DTWD1: variants seen among roughly 807,000 people sequenced by gnomAD.
The protein encoded by DTWD1 is tRNA-uridine aminocarboxypropyltransferase 1.
A neutral mutation model predicts 30.2 loss-of-function variants in DTWD1; 27 were observed. The ratio of observed to expected loss-of-function variants is 0.90; its 90% CI spans 0.66 to 1.23. The LOEUF is 1.23. Ranked by LOEUF, DTWD1 falls within the 50% of genes most tolerant of loss-of-function variation. The pLI, the probability that DTWD1 is intolerant of heterozygous loss-of-function variation, is 0.00. For missense variants in DTWD1, 342 were observed against 348.8 expected (o/e 0.98, Z 0.15); for synonymous variants, 99 against 113.1 (o/e 0.88, Z 0.79).
chr15:49,639,264 A>G (rs1664184829), intron 4 of DTWD1, among the ~76,000 whole-genome samples: 1 of 152,134 alleles, frequency 6.6e-6, no homozygotes, highest in Admixed American at 6.6e-5. Flanking sequence ...CTGCTAAAAT[A>G]TTTTACTAGT....
chr15:49,632,622 T>A (rs2078938503), intron 3 of DTWD1, among the ~76,000 whole-genome samples: 1 of 152,186 alleles, frequency 6.6e-6, no homozygotes, highest in Non-Finnish European at 1.5e-5. Flanking sequence ...TACATATAGA[T>A]GATCTAATTT....
rs1457713403 is a variant in DTWD1, at chr15:49,648,123, T to C, written c.*4545T>C. The stretch of plus-strand genomic sequence containing the variant: ...TTACCCTTGGTTGTAAAGGAGAAGG[T>C]TGGAGATTATTTGTATACCAACTAC... On this transcript the variant is annotated 3_prime_UTR_variant, in exon 5 of 5. Transcript: ENST00000403028. 1 of 152,076 alleles carries C rather than the reference T, an allele frequency of 6.6e-6. No individual in the cohort carries two copies. Among genetic ancestry groups the C allele is most frequent in the Non-Finnish European group, 1.5e-5 (1 of 68,004 alleles). 9.4% of individuals were successfully genotyped at this position (152,076 alleles called of 1,614,324 possible). A position where few individuals can be genotyped will look rare whatever the true frequency, so the allele number is the denominator to read the frequency against.
rs1157619945 is a variant in DTWD1, at chr15:49,653,470, A to G, written c.*9892A>G. ...TGAGATTTTTGTGTTGGACTTCTACAGAACTATATAAGAATAAATTGTGTT... is the reference window on the plus strand; with the variant it reads ...TGAGATTTTTGTGTTGGACTTCTACGGAACTATATAAGAATAAATTGTGTT... On this transcript the variant is annotated 3_prime_UTR_variant, in exon 5 of 5. Transcript: ENST00000403028. 5 of 152,168 alleles carry G rather than the reference A, an allele frequency of 3.3e-5. No individual in the cohort carries two copies. The highest frequency in any genetic ancestry group is 9.6e-5 in the African/African-American group (4 of 41,468). The allele number at this position is 152,168 out of a possible 1,614,324, so 9.4% of individuals were successfully genotyped here.
rs1433184402 is a variant in DTWD1 at position 49,649,099 on chromosome 15, A to G, written c.*5521A>G. The G allele has an allele frequency of 1.4e-5, 2 of 147,818 alleles. 1 individual carries two copies. The highest frequency in any genetic ancestry group is 1.3e-4 in the Admixed American group (2 of 15,114). The allele number at this position is 147,818 out of a possible 1,614,324, so 9.2% of individuals were successfully genotyped here. On this transcript the variant is annotated 3_prime_UTR_variant, in exon 5 of 5. Transcript: ENST00000403028. Reference sequence around the variant, plus strand: ...AAAAAGATGTACATTAAGGCTTATCATCAAGGAATTTCAGAACACTGTGGA... The same window carrying G: ...AAAAAGATGTACATTAAGGCTTATCGTCAAGGAATTTCAGAACACTGTGGA...
rs2078823633 is a variant in DTWD1, at chr15:49,625,150, C to T, written c.-18C>T. The T allele has an allele frequency of 2.5e-6, 4 of 1,608,300 alleles. No homozygotes were observed. In the African/African-American group the frequency reaches 5.4e-5, roughly 22 times the overall value. ...ATGTGTTTTAGAAATAGCCGTTAAA[C>T]TTTGGTTTGAATGAAGAATGTCTCT... is the stretch of plus-strand genomic sequence containing the variant. On this transcript the variant is annotated 5_prime_UTR_variant, in exon 2 of 5. Coordinates refer to ENST00000403028, the MANE Select transcript of DTWD1 (RefSeq NM_001144955.2).
At chr15:49,628,704 C>T (rs1190942559) in intron 2 of DTWD1, among the ~76,000 whole-genome samples, 2 of 151,706 alleles carry the variant, frequency 1.3e-5, no homozygotes, top group Non-Finnish European at 2.9e-5. Flanking sequence ...ATATTCTTTA[C>T]TTGTTTGAAA....
At chr15:49,623,612 G>C (rs1009498330) in intron 1 of DTWD1, 1 of 152,180 alleles carries the variant, frequency 6.6e-6, no homozygotes, top group African/African-American at 2.4e-5. Context: ...GACTCTAGGA[G>C]ATCTCCAAAC....
At chr15:49,624,866 A>G (rs1045930530) in intron 1 of DTWD1, among the ~76,000 whole-genome samples, 2 of 152,222 alleles carry the variant, frequency 1.3e-5, no homozygotes, top group Non-Finnish European at 2.9e-5. Flanking sequence ...CAAAACTGCC[A>G]TCTCTGGAAC....
rs1567751452 is a variant in DTWD1, at chr15:49,652,780, G to A, written c.*9202G>A. 1 of 152,126 alleles carries A rather than the reference G, an allele frequency of 6.6e-6. No homozygotes were observed. The highest frequency in any genetic ancestry group is 6.5e-5 in the Admixed American group (1 of 15,268). 9.4% of individuals were successfully genotyped at this position (152,126 alleles called of 1,614,324 possible). On this transcript the variant is annotated 3_prime_UTR_variant, in exon 5 of 5. Coordinates refer to ENST00000403028, the MANE Select transcript of DTWD1 (RefSeq NM_001144955.2). ...TGGAGCAAAGGGTGGATTGTAATAAGCAAAGAGATACACTGCCTGATTCAC... is the reference window on the plus strand; with the variant it reads ...TGGAGCAAAGGGTGGATTGTAATAAACAAAGAGATACACTGCCTGATTCAC...
At chr15:49,627,168 A>G (rs2078854916) in intron 2 of DTWD1, among the ~76,000 whole-genome samples, 1 of 152,156 alleles carries the variant, frequency 6.6e-6, no homozygotes, top group Non-Finnish European at 1.5e-5. Flanking sequence ...AATATACACC[A>G]TTTAATAGAA....
At chr15:49,641,424 T>G (rs996351462) in intron 4 of DTWD1, among the ~76,000 whole-genome samples, 9 of 152,116 alleles carry the variant, frequency 5.9e-5, no homozygotes, top group Non-Finnish European at 1.3e-4. Flanking sequence ...TCATTCAGCC[T>G]CCTCCTGGTT....
rs573096060 is a variant in DTWD1 at position 49,654,660 on chromosome 15, T to A, written c.*11082T>A. On this transcript the variant is annotated 3_prime_UTR_variant, in exon 5 of 5. Coordinates refer to ENST00000403028, the MANE Select transcript of DTWD1 (RefSeq NM_001144955.2). ...CAGAAATATCATAGATTGAGTGACT[T>A]TTTTTCTTTAAAAAAATGAGATTGT... 61 of 151,972 alleles carry A rather than the reference T, an allele frequency of 4.0e-4. No individual in the cohort carries two copies. The highest frequency in any genetic ancestry group is 1.4e-3 in the African/African-American group (59 of 41,474). 9.4% of individuals were successfully genotyped at this position (151,972 alleles called of 1,614,324 possible).
rs2079132963 is a variant in DTWD1 at position 49,648,321 on chromosome 15, G to C, written c.*4743G>C. ...CAAATTATTATTTATTCATTTTTGAGACAGAGTCTCACTCTTGTCTCCCAG... is the reference window on the plus strand; with the variant it reads ...CAAATTATTATTTATTCATTTTTGACACAGAGTCTCACTCTTGTCTCCCAG... On this transcript the variant is annotated 3_prime_UTR_variant, in exon 5 of 5. Transcript: ENST00000403028. 1.3e-5 allele frequency: 2 copies of C among 152,178 alleles called. No homozygotes were observed. The highest frequency in any genetic ancestry group is 1.5e-5 in the Non-Finnish European group (1 of 68,060). 9.4% of individuals were successfully genotyped at this position (152,178 alleles called of 1,614,324 possible).
At chr15:49,622,720 G>C (rs911108095) in intron 1 of DTWD1, among the ~76,000 whole-genome samples, 4 of 152,096 alleles carry the variant, frequency 2.6e-5, no homozygotes, top group African/African-American at 9.7e-5. Context: ...CTGTTGGCTC[G>C]GTTAGGACAG....
In DTWD1 at chr15:49,645,545, C is replaced by T. The variant is rs1447142939; in HGVS notation, c.*1967C>T. ...ACTTGGCCCTGGGAATAGAGGAAGG[C>T]TTGAATTGATTTAAGCAGGGCCAAA... On this transcript the variant is annotated 3_prime_UTR_variant, in exon 5 of 5. Coordinates refer to ENST00000403028, the MANE Select transcript of DTWD1 (RefSeq NM_001144955.2). 2 of 151,790 alleles carry T rather than the reference C, an allele frequency of 1.3e-5. No homozygotes were observed. Among genetic ancestry groups the T allele is most frequent in the Non-Finnish European group, 2.9e-5 (2 of 67,956 alleles). The allele number at this position is 151,790 out of a possible 1,614,324, so 9.4% of individuals were successfully genotyped here. A position where few individuals can be genotyped will look rare whatever the true frequency, so the allele number is the denominator to read the frequency against.
rs780555866 is a variant in DTWD1 at position 49,643,567 on chromosome 15, C to G, written c.904C>G (p.Leu302Val). 6.3e-7 allele frequency: 1 copy of G among 1,591,330 alleles called. No homozygotes were observed. Among genetic ancestry groups the G allele is most frequent in the Non-Finnish European group, 8.5e-7 (1 of 1,172,028 alleles). Reference sequence around the variant, plus strand: ...CTCTGGAGATAAGGAAACAGGAAAACTTACACATTAGTTTTTAACAAGCCA... The same window carrying G: ...CTCTGGAGATAAGGAAACAGGAAAAGTTACACATTAGTTTTTAACAAGCCA... ...KCSGDKETGK[L>V]TH The change falls in exon 5 of 5, where the codon CTT (leucine) becomes GTT (valine). Residue 302 changes from leucine to valine, a missense_variant. Physicochemically the swap from Leu to Val is conservative, Grantham distance 32. Coordinates refer to ENST00000403028, the MANE Select transcript of DTWD1 (RefSeq NM_001144955.2).
At position 49,642,017 on chromosome 15, in the gene DTWD1, C is replaced by T. The variant is rs561005271; in HGVS notation, c.668-1314C>T. Among the ~76,000 whole-genome samples, 37 of 151,996 alleles carry T rather than the reference C, an allele frequency of 2.4e-4. 1 individual carries two copies. The highest frequency in any genetic ancestry group is 5.9e-5 in the Non-Finnish European group (4 of 67,994). ...AAGTCATAGTCATTATCTCTTTAAC[C>T]GCTCCCTCTCTTCCATTCTCTTTGT... On this transcript the variant is annotated intron_variant, in intron 4 of 4. Coordinates refer to ENST00000403028, the MANE Select transcript of DTWD1 (RefSeq NM_001144955.2).
chr15:49,641,224 C>G (rs746316485), intron 4 of DTWD1, among the ~76,000 whole-genome samples: 1 of 151,898 alleles, frequency 6.6e-6, no homozygotes, highest in African/African-American at 2.4e-5. Context: ...TTTCTACCAT[C>G]TTAATTTTTA....
intron 2 of DTWD1, among the ~76,000 whole-genome samples, chr15:49,631,640 C>G (rs1234838149): frequency 6.6e-6 from 1 of 152,044 alleles, no homozygotes; most frequent in African/African-American, 2.4e-5. Flanking sequence ...TGGCAGGTGC[C>G]TGTAATGCCA....
Sources: allele counts gnomAD v4.1 joint callset (sites outside exome capture counted in the v4.1 genomes callset), GRCh38; gene constraint gnomAD v4.1.1; transcripts MANE v1.5; gene names NCBI Gene and HGNC (gene_info 2026-07-23, HGNC 2026-07-21).